Variants in FBXO47 observed in about 807,000 individuals in gnomAD.
The protein encoded by FBXO47 is F-box only protein 47.
In FBXO47, 34 loss-of-function variants were observed where a neutral mutation model predicts 53.9. The ratio of observed to expected loss-of-function variants is 0.63; its 90% confidence interval spans 0.48 to 0.84. The LOEUF is 0.84. Among genes scored for constraint, FBXO47 ranks in the 40% least tolerant of loss-of-function variants. The pLI is 0.00. For missense variants in FBXO47, 485 were observed against 541.3 expected (o/e 0.90, Z 1.03); for synonymous variants, 165 against 181.6 (o/e 0.91, Z 0.73).
intron 3 of FBXO47, among the ~76,000 whole-genome samples, chr17:38,959,696 G>A (rs549231896): frequency 4.0e-5 from 6 of 149,796 alleles, no homozygotes; most frequent in South Asian, 2.1e-4. Context: ...TGCCAAGGCC[G>A]GAGTGCATTT....
At chr17:38,947,767 G>A (rs1431717927) in intron 6 of FBXO47, among the ~76,000 whole-genome samples, 8 of 151,972 alleles carry the variant, frequency 5.3e-5, no homozygotes, top group Non-Finnish European at 8.8e-5. Flanking sequence ...AAAATTAGCC[G>A]GGTGTGGTGG....
chr17:38,961,883 A>C lies in FBXO47; in HGVS notation c.346T>G (p.Ser116Ala). Residue 116 changes from serine (S) to alanine (A), a missense_variant, in exon 3 of 11, where the codon TCT becomes GCT. Ser to Ala is a moderately conservative substitution (Grantham distance 99). Transcript: ENST00000378079. ...TTCTCATTACATAAGTTACCTAGAG[A>C]TCTGTAGTGCTCCAGTATAGCAGAG... ...QDSAILEHYR[S>A]LGLLFKRCTL... The C allele has an allele frequency of 6.2e-7, 1 of 1,612,730 alleles. No homozygotes were observed. Among genetic ancestry groups the C allele is most frequent in the Non-Finnish European group, 8.5e-7 (1 of 1,179,646 alleles).
rs755797659 is a variant in FBXO47, at chr17:38,942,895, C to T, written c.966G>A (p.Glu322=). The change falls in exon 9 of 11, where the codon GAG becomes GAA. Residue 322 remains glutamate, a synonymous_variant. Coordinates refer to ENST00000378079, the MANE Select transcript of FBXO47 (RefSeq NM_001008777.3). ...TTAGCATTAGGAGACGTGCATTATT[C>T]TCTAGAAGCCACTCACGGGGAACCA... ...LSVVPREWLL[E]NNARLLMLSG... 1.2e-6 allele frequency: 2 copies of T among 1,607,398 alleles called. No homozygotes were observed. Among genetic ancestry groups the T allele is most frequent in the Non-Finnish European group, 1.7e-6 (2 of 1,178,336 alleles).
Position 38,936,606 on chromosome 17 carries a change from T to G in FBXO47, c.*569A>C, listed in dbSNP as rs201417957. 1 of 149,912 alleles carries G rather than the reference T, an allele frequency of 6.7e-6. No individual in the cohort carries two copies. The highest frequency in any genetic ancestry group is 1.5e-5 in the Non-Finnish European group (1 of 67,242). The allele number at this position is 149,912 out of a possible 1,614,324, so 9.3% of individuals were successfully genotyped here. ...GTGTGTGTGTGTCTATATATATATA[T>G]AGACATATATGTATACTTTGTTTTT... On this transcript the variant is annotated 3_prime_UTR_variant, in exon 11 of 11. Transcript: ENST00000378079.
chr17:38,952,908 C>T (rs1290186338), intron 5 of FBXO47, among the ~76,000 whole-genome samples: 2 of 149,680 alleles, frequency 1.3e-5, no homozygotes, highest in Non-Finnish European at 3.0e-5. Flanking sequence ...CCTGCATCAG[C>T]CTCCCAAAGT....
In FBXO47 at chr17:38,963,186, G is replaced by T. The variant is rs116352288; in HGVS notation, c.-26-135C>A. Reference sequence around the variant, plus strand: ...TCTCTGTATTTGCAAAAGATTTTTGGTTTTTTTTTGAGACGGAGTCTTGCT... The same window carrying T: ...TCTCTGTATTTGCAAAAGATTTTTGTTTTTTTTTTGAGACGGAGTCTTGCT... On this transcript the variant is annotated intron_variant, in intron 1 of 10. Coordinates refer to ENST00000378079, the MANE Select transcript of FBXO47 (RefSeq NM_001008777.3). The T allele has an allele frequency of 4.7e-3, 2,538 of 538,614 alleles. 63 individuals are homozygous for T. The highest frequency in any genetic ancestry group is 0.045 in the African/African-American group (2,336 of 52,070). The allele number at this position is 538,614 out of a possible 1,614,324, so 33.4% of individuals were successfully genotyped here.
intron 9 of FBXO47, among the ~76,000 whole-genome samples, chr17:38,941,070 G>A (rs1904481581): frequency 6.6e-6 from 1 of 151,658 alleles, no homozygotes; most frequent in South Asian, 2.1e-4. Context: ...CCACAGCCTT[G>A]ACCACCCAGA....
At chr17:38,944,113 C>T (rs563672614) in intron 7 of FBXO47, among the ~76,000 whole-genome samples, 12 of 150,728 alleles carry the variant, frequency 8.0e-5, no homozygotes, top group East Asian at 3.9e-4. Context: ...ACCTGGGAGG[C>T]GGAGGTTGCA....
chr17:38,963,802 G>GTTTTTTTTT (rs377210713), intron 1 of FBXO47, among the ~76,000 whole-genome samples: 2 of 128,636 alleles, frequency 1.6e-5, no homozygotes, highest in Non-Finnish European at 3.2e-5. Context: ...TTGTTTTGTT[G>GTTTTTTTTT]TTTTTTTTTT....
chr17:38,938,827 T>G, intron 9 of FBXO47, 95 bp from the exon 10 acceptor site: 1 of 1,007,276 alleles, frequency 9.9e-7, no homozygotes, highest in Non-Finnish European at 1.4e-6. Context: ...TAGTTTGTGA[T>G]TTTACATAAT....
At chr17:38,937,995 T>C (rs776680041) in intron 10 of FBXO47, among the ~76,000 whole-genome samples, 5 of 152,194 alleles carry the variant, frequency 3.3e-5, no homozygotes, top group Non-Finnish European at 7.3e-5. Context: ...AACAGGAGAC[T>C]TTTTGTTAGT....
At chr17:38,951,818 G>T (rs921194435) in intron 5 of FBXO47, 129 bp from the exon 6 acceptor site, 6 of 597,098 alleles carry the variant, frequency 1.0e-5, no homozygotes, top group Non-Finnish European at 1.5e-5. Context: ...ATCACCTGCA[G>T]TCAGGAGTTT....
At chr17:38,956,094 C>A (rs999534843) in intron 4 of FBXO47, among the ~76,000 whole-genome samples, 2 of 150,958 alleles carry the variant, frequency 1.3e-5, no homozygotes, top group African/African-American at 4.9e-5. Flanking sequence ...CGAGATCGCA[C>A]CACTGCACTC....
At chr17:38,946,794 A>G (rs62648791) in intron 6 of FBXO47, among the ~76,000 whole-genome samples, 2 of 80,272 alleles carry the variant, frequency 2.5e-5, no homozygotes, top group East Asian at 1.0e-3. Flanking sequence ...ATATAAATAT[A>G]TATAGATATA....
intron 3 of FBXO47, among the ~76,000 whole-genome samples, chr17:38,961,289 G>A (rs1319452196): frequency 5.3e-5 from 8 of 152,086 alleles, no homozygotes; most frequent in Admixed American, 2.0e-4. Context: ...ATTAAGTCAA[G>A]TCAAAATTAG....
intron 4 of FBXO47, among the ~76,000 whole-genome samples, chr17:38,955,958 CAAAAAAAAAAAAAAAAA>C: frequency 3.3e-5 from 1 of 30,280 alleles, no homozygotes; most frequent in South Asian, 1.3e-3. Flanking sequence ...ACTCCATCTC[CAAAAAAAAAAAAAAAAA>C]AAAAAAAAAA....
At chr17:38,963,149 G>A (rs1232666668) in intron 1 of FBXO47, 98 bp from the exon 2 acceptor site, 16 of 691,580 alleles carry the variant, frequency 2.3e-5, no homozygotes, top group Non-Finnish European at 3.7e-5. Flanking sequence ...AGTACGATAT[G>A]CAATAGCTGT....
At chr17:38,944,437 T>C (rs963091161) in intron 7 of FBXO47, among the ~76,000 whole-genome samples, 12 of 150,752 alleles carry the variant, frequency 8.0e-5, no homozygotes, top group South Asian at 2.1e-4. Flanking sequence ...GCGCGGTGGC[T>C]CACATCTGTA....
intron 9 of FBXO47, among the ~76,000 whole-genome samples, chr17:38,940,251 C>T (rs80286967): frequency 0.025 from 3,814 of 151,936 alleles, 230 homozygotes; most frequent in African/African-American, 0.087. Context: ...ATAGAGAAGA[C>T]AAATCAGAGG....
Sources: allele counts gnomAD v4.1 joint callset (sites outside exome capture counted in the v4.1 genomes callset), GRCh38; gene constraint gnomAD v4.1.1; transcripts MANE v1.5; gene names NCBI Gene and HGNC (gene_info 2026-07-23, HGNC 2026-07-21).